UGT1A9: variants seen among roughly 807,000 people sequenced by gnomAD.
The protein encoded by UGT1A9 is UDP glucuronosyltransferase family 1 member A9.
A neutral mutation model predicts 45.0 loss-of-function variants in UGT1A9; 35 were observed. The ratio of observed to expected loss-of-function variants is 0.78; its 90% CI spans 0.59 to 1.03. The LOEUF is 1.03. UGT1A9 is among the 50% of genes least tolerant of loss of function. UGT1A9 has a pLI of 0.00. For missense variants in UGT1A9, 687 were observed against 666.6 expected (o/e 1.03, Z -0.34); for synonymous variants, 278 against 250.6 (o/e 1.11, Z -1.03).
chr2:233,692,976 T>C (rs550082813), intron 1 of UGT1A9: 3 of 1,612,736 alleles, frequency 1.9e-6, no homozygotes, highest in Admixed American at 1.7e-5. Context: ...AAACTCTTTA[T>C]TACCGTTGTT....
intron 1 of UGT1A9, chr2:233,760,886 A>C (rs1453639780): frequency 8.7e-6 from 14 of 1,613,816 alleles, no homozygotes; most frequent in Non-Finnish European, 1.1e-5. Flanking sequence ...CTCTCCTCTC[A>C]TTCAGATCAC....
At chr2:233,718,085 C>T (rs557969051) in intron 1 of UGT1A9, 1 of 337,650 alleles carries the variant, frequency 3.0e-6, no homozygotes, top group Non-Finnish European at 5.9e-6. Context: ...GTTGTCTTGC[C>T]CATGTGTGCT....
intron 1 of UGT1A9, chr2:233,691,559 G>A: frequency 2.0e-6 from 2 of 985,630 alleles, no homozygotes; most frequent in Non-Finnish European, 2.4e-6. Flanking sequence ...GTAATTCAAG[G>A]TACCACCTCT....
At chr2:233,734,123 A>ATAATAAT (rs1384319848) in intron 1 of UGT1A9, among the ~76,000 whole-genome samples, 2 of 151,918 alleles carry the variant, frequency 1.3e-5, no homozygotes, top group Non-Finnish European at 2.9e-5. Flanking sequence ...AATAATAATA[A>ATAATAAT]AAAGAATTTG....
At chr2:233,674,763 G>A (rs1373199990) in intron 1 of UGT1A9, among the ~76,000 whole-genome samples, 2 of 152,070 alleles carry the variant, frequency 1.3e-5, no homozygotes, top group African/African-American at 2.4e-5. Context: ...ATGACTATAC[G>A]TGTAAAGCCA....
At chr2:233,682,266 C>A in intron 1 of UGT1A9, 1 of 1,614,182 alleles carries the variant, frequency 6.2e-7, no homozygotes, top group Non-Finnish European at 8.5e-7. Context: ...TCTCTATTAA[C>A]AAGTTCATCC....
At chr2:233,765,205 T>G (rs540441075) in intron 1 of UGT1A9, among the ~76,000 whole-genome samples, 9 of 152,292 alleles carry the variant, frequency 5.9e-5, no homozygotes, top group African/African-American at 2.2e-4. Flanking sequence ...ATTAGTGCCC[T>G]CAGTATTCTT....
At chr2:233,756,741 CCTT>C (rs1339727663) in intron 1 of UGT1A9, among the ~76,000 whole-genome samples, 3 of 152,100 alleles carry the variant, frequency 2.0e-5, no homozygotes, top group African/African-American at 7.2e-5. Context: ...TTCACCTCCT[CCTT>C]ATTCTCTTTT....
chr2:233,757,311 G>T (rs1320628354), intron 1 of UGT1A9, among the ~76,000 whole-genome samples: 1 of 149,170 alleles, frequency 6.7e-6, no homozygotes, highest in Non-Finnish European at 1.5e-5. Context: ...GGGACAGGGG[G>T]GCTGGGGCCC....
chr2:233,689,054 A>G (rs1455498112), intron 1 of UGT1A9, among the ~76,000 whole-genome samples: 1 of 152,200 alleles, frequency 6.6e-6, no homozygotes, highest in African/African-American at 2.4e-5. Context: ...TCTCTTCTGT[A>G]TAATCCCTTT....
At chr2:233,745,938 G>A (rs1693254361) in intron 1 of UGT1A9, among the ~76,000 whole-genome samples, 1 of 151,696 alleles carries the variant, frequency 6.6e-6, no homozygotes, top group East Asian at 1.9e-4. Flanking sequence ...GGGACAGCTG[G>A]GGGTTGGGCA....
intron 1 of UGT1A9, among the ~76,000 whole-genome samples, chr2:233,686,574 G>C (rs1214376741): frequency 6.6e-6 from 1 of 152,022 alleles, no homozygotes; most frequent in Non-Finnish European, 1.5e-5. Flanking sequence ...TCAGAAGTTA[G>C]TGTGGATTAC....
At chr2:233,724,265 G>C (rs1471463851) in intron 1 of UGT1A9, among the ~76,000 whole-genome samples, 1 of 132,982 alleles carries the variant, frequency 7.5e-6, no homozygotes, top group African/African-American at 2.9e-5. Context: ...CCTCCCGGAC[G>C]GGGCGGCTGG....
intron 1 of UGT1A9, among the ~76,000 whole-genome samples, chr2:233,709,220 T>C (rs199860266): frequency 1.3e-5 from 2 of 152,108 alleles, no homozygotes; most frequent in African/African-American, 4.8e-5. Context: ...ATTTGAGAGT[T>C]TGGGGGAGGG....
chr2:233,772,910 T>G lies in UGT1A9; in HGVS notation c.*351T>G, dbSNP rs1169260027. 5.1e-6 allele frequency: 2 copies of G among 393,790 alleles called. No individual in the cohort carries two copies. Among genetic ancestry groups the G allele is most frequent in the Non-Finnish European group, 8.9e-6 (2 of 225,424 alleles). The allele number at this position is 393,790 out of a possible 1,614,324, so 24.4% of individuals were successfully genotyped here. A position where few individuals can be genotyped will look rare whatever the true frequency, so the allele number is the denominator to read the frequency against. On this transcript the variant is annotated 3_prime_UTR_variant, in exon 5 of 5. Transcript: ENST00000354728. ...AAGGTGGTCCCACGGCTGCCCCTAC[T>G]GCAAATGGCAGTTTTAATCTTATCT...
intron 1 of UGT1A9, among the ~76,000 whole-genome samples, chr2:233,759,703 C>T (rs1054711590): frequency 1.3e-5 from 2 of 150,732 alleles, no homozygotes; most frequent in African/African-American, 4.9e-5. Context: ...CCTCATGGCG[C>T]GTGCTCGTGT....
chr2:233,730,056 T>A, intron 1 of UGT1A9: 2 of 1,611,732 alleles, frequency 1.2e-6, no homozygotes, highest in Non-Finnish European at 8.5e-7. Context: ...AAAAATGTAT[T>A]TATTTAAAAT....
At chr2:233,705,882 G>T (rs1372045008) in intron 1 of UGT1A9, among the ~76,000 whole-genome samples, 1 of 152,150 alleles carries the variant, frequency 6.6e-6, no homozygotes, top group Non-Finnish European at 1.5e-5. Flanking sequence ...GAGGCCAGGA[G>T]TTCAAGACTG....
rs1377722142 is a variant in UGT1A9 at position 233,725,198 on chromosome 2, AGAGGCAGAGGCAGAGGCAGAG to A, written c.856-41819_856-41799del. Reference sequence around the variant, plus strand: ...CGTGGGGAGAGGCAGAGGCAGAGGCAGAGGCAGAGGCAGAGGCAGAGGAGGCAGAGGCAGAGGAGGCAGAGG... The same window carrying A: ...CGTGGGGAGAGGCAGAGGCAGAGGCAGAGGCAGAGGCAGAGGAGGCAGAGG... On this transcript the variant is annotated intron_variant, in intron 1 of 4. Coordinates refer to ENST00000354728, the MANE Select transcript of UGT1A9 (RefSeq NM_021027.3). 4.5e-3 allele frequency among the ~76,000 whole-genome samples: 386 copies of A among 86,592 alleles called. 89 individuals carry two copies. Among genetic ancestry groups the A allele is most frequent in the African/African-American group, 0.033 (341 of 10,250 alleles). The allele number at this position is 86,592 out of a possible 152,430, so 56.8% of individuals were successfully genotyped here. A position where few individuals can be genotyped will look rare whatever the true frequency, so the allele number is the denominator to read the frequency against.
Sources: gnomAD v4.1 joint callset for allele counts (sites outside exome capture counted in the v4.1 genomes callset) on GRCh38, gnomAD v4.1.1 for gene constraint, MANE v1.5 for transcripts, NCBI Gene and HGNC (gene_info 2026-07-23, HGNC 2026-07-21) for gene names.